Variants in PPP2R5B observed in about 807,000 individuals in gnomAD.
The protein encoded by PPP2R5B is protein phosphatase 2 regulatory subunit B'beta.
A neutral mutation model predicts 59.9 loss-of-function variants in PPP2R5B; 19 were observed. The observed-to-expected ratio is 0.32, with a 90% CI of 0.22 to 0.47. The LOEUF (loss-of-function observed/expected upper bound fraction) is 0.47. Ranked by LOEUF, PPP2R5B falls within the 20% of genes least tolerant of loss-of-function variation. The probability of loss-of-function intolerance (pLI) is 1.00; values close to 1 mark genes in which losing one functional copy is unlikely to be tolerated. For missense variants in PPP2R5B, 441 were observed against 640.2 expected (o/e 0.69, Z 3.36); for synonymous variants, 286 against 260.5 (o/e 1.10, Z -0.94).
chr11:64,933,301 C>T lies in PPP2R5B; in HGVS notation c.1346+55C>T, dbSNP rs566277135. ...GGGAGAAGAGCAGGGAGGAGTCAGACCCCCATGGCTGGAGGGAACCCGAGG... is the reference window on the plus strand; with the variant it reads ...GGGAGAAGAGCAGGGAGGAGTCAGATCCCCATGGCTGGAGGGAACCCGAGG... On this transcript the variant is annotated intron_variant, in intron 13 of 13. Coordinates refer to ENST00000164133, the MANE Select transcript of PPP2R5B (RefSeq NM_006244.4). The T allele has an allele frequency of 1.7e-5, 24 of 1,453,814 alleles. No homozygotes were observed. In the Admixed American group the frequency reaches 2.9e-4, roughly 18 times the overall value. The allele number at this position is 1,453,814 out of a possible 1,614,324, so 90.1% of individuals were successfully genotyped here. A position where few individuals can be genotyped will look rare whatever the true frequency, so the allele number is the denominator to read the frequency against.
At chr11:64,921,784 A>AAACTTCATCTATAAATACATGG (rs930189004), upstream of PPP2R5B, among the ~76,000 whole-genome samples, 1 of 152,246 alleles carries the variant, frequency 6.6e-6, no homozygotes, top group Non-Finnish European at 1.5e-5. Context: ...CTGAAAAAGC[A>AAACTTCATCTATAAATACATGG]AACTTCATCT....
chr11:64,923,401 G>A (rs1945127420), upstream of PPP2R5B, among the ~76,000 whole-genome samples: 1 of 152,350 alleles, frequency 6.6e-6, no homozygotes, highest in Middle Eastern at 3.4e-3. Flanking sequence ...GGTGGGCAAG[G>A]AGGGAGATCA....
Position 64,927,924 on chromosome 11 carries a change from C to A in PPP2R5B, c.498+21C>A, listed in dbSNP as rs372825084. 1.6e-5 allele frequency: 26 copies of A among 1,581,768 alleles called. No homozygotes were observed. In the African/African-American group the frequency reaches 3.4e-4, roughly 20 times the overall value. ...TGCAGGTCTGAAGGGTTGGGGAAGA[C>A]AGAGATCCAAGTTTCAGAAGAGATC... On this transcript the variant is annotated intron_variant, in intron 4 of 13. Transcript: ENST00000164133.
At chr11:64,920,634 T>TTA (rs1355337024), upstream of PPP2R5B, among the ~76,000 whole-genome samples, 18 of 1,352 alleles carry the variant, frequency 0.013, no homozygotes, top group South Asian at 0.33. Context: ...CCAGCAGTTA[T>TTA]TTTTTTTTTT....
At chr11:64,923,448 G>A (rs150621087), upstream of PPP2R5B, among the ~76,000 whole-genome samples, 4 of 152,218 alleles carry the variant, frequency 2.6e-5, no homozygotes, top group East Asian at 1.9e-4. Context: ...ACCAAGGGCC[G>A]GATGGGCAAG....
Position 64,925,700 on chromosome 11 carries a change from G to T in PPP2R5B, c.-35G>T. ...CCTCCCAGGCCCAGAGAGAACCCCC[G>T]GGGCTCTGAAAGCTTGCCCTGCCGC... On this transcript the variant is annotated 5_prime_UTR_variant, in exon 2 of 14. Transcript: ENST00000164133. This position sits in a 1 kb window ranked among gnomAD's most constrained non-coding sequence, Gnocchi z 4.6. 7.8e-7 allele frequency: 1 copy of T among 1,279,264 alleles called. No homozygotes were observed. The highest frequency in any genetic ancestry group is 1.1e-6 in the Non-Finnish European group (1 of 935,186). The allele number at this position is 1,279,264 out of a possible 1,614,324, so 79.2% of individuals were successfully genotyped here. A position where few individuals can be genotyped will look rare whatever the true frequency, so the allele number is the denominator to read the frequency against.
chr11:64,924,144 G>A (rs1390252403), upstream of PPP2R5B: 2 of 152,260 alleles, frequency 1.3e-5, no homozygotes, highest in Admixed American at 1.3e-4. Flanking sequence ...AGCAAGGGAC[G>A]GGAGGGGGAC....
chr11:64,927,192 G>A (rs1289451896), intron 3 of PPP2R5B, among the ~76,000 whole-genome samples: 3 of 152,164 alleles, frequency 2.0e-5, no homozygotes, highest in South Asian at 2.1e-4. Context: ...CCAAGAAGCC[G>A]CTGTCAATAA....
chr11:64,927,784 C>G lies in PPP2R5B; in HGVS notation c.397-18C>G, dbSNP rs1442567619. On this transcript the variant is annotated intron_variant, in intron 3 of 13. Coordinates refer to ENST00000164133, the MANE Select transcript of PPP2R5B (RefSeq NM_006244.4). ...CTTCAAGGGCTTTTCCTTAATGAACCCCAACTCTGCCACTCAGATCTCAGT... is the reference window on the plus strand; with the variant it reads ...CTTCAAGGGCTTTTCCTTAATGAACGCCAACTCTGCCACTCAGATCTCAGT... 1.9e-6 allele frequency: 3 copies of G among 1,558,354 alleles called. No individual in the cohort carries two copies. Among genetic ancestry groups the G allele is most frequent in the Non-Finnish European group, 2.7e-6 (3 of 1,129,674 alleles).
At chr11:64,918,708 C>A (rs1277781184) in intron 1 of PPP2R5B, among the ~76,000 whole-genome samples, 1 of 152,128 alleles carries the variant, frequency 6.6e-6, no homozygotes, top group African/African-American at 2.4e-5. Flanking sequence ...GGTGCAGTCT[C>A]CTCTCACGCA....
At chr11:64,928,776 C>A (rs533776851) in intron 6 of PPP2R5B, among the ~76,000 whole-genome samples, 227 of 152,166 alleles carry the variant, frequency 1.5e-3, no homozygotes, top group African/African-American at 5.1e-3. Context: ...CCCAGCTACT[C>A]GGGAGGCTGA....
At chr11:64,922,165 T>G (rs1945114875), upstream of PPP2R5B, among the ~76,000 whole-genome samples, 1 of 149,954 alleles carries the variant, frequency 6.7e-6, no homozygotes, top group Non-Finnish European at 1.5e-5. Flanking sequence ...TGAGCCAGGA[T>G]CGCGCCACTG....
chr11:64,929,351 G>A (rs974133030), intron 6 of PPP2R5B, among the ~76,000 whole-genome samples: 8 of 152,202 alleles, frequency 5.3e-5, no homozygotes, highest in African/African-American at 1.7e-4. Flanking sequence ...AAGCTGTATG[G>A]CCTACATTTG....
At chr11:64,927,730 C>A in intron 3 of PPP2R5B, 72 bp from the exon 4 acceptor site, 4 of 1,090,514 alleles carry the variant, frequency 3.7e-6, no homozygotes, top group Non-Finnish European at 5.4e-6. Context: ...AAAAAAAAAG[C>A]TTTGAATGAG....
Position 64,928,372 on chromosome 11 carries a change from G to A in PPP2R5B, c.669G>A (p.Lys223=), listed in dbSNP as rs965752326. 3 of 1,614,236 alleles carry A rather than the reference G, an allele frequency of 1.9e-6. No homozygotes were observed. The highest frequency in any genetic ancestry group is 1.7e-6 in the Non-Finnish European group (2 of 1,180,040). The stretch of plus-strand genomic sequence containing the variant: ...CCATCCTGCACCGGGTCTATGGCAA[G>A]TTCCTGGGTCTCCGGGCCTACATCC... ...LKTILHRVYG[K]FLGLRAYIRK... is the part of the protein sequence containing the mutation. The change falls in exon 6 of 14, where the codon AAG becomes AAA. Residue 223 remains lysine, a synonymous_variant. Transcript: ENST00000164133.
chr11:64,929,881 A>G (rs1945209566), intron 6 of PPP2R5B, among the ~76,000 whole-genome samples: 1 of 152,204 alleles, frequency 6.6e-6, no homozygotes, highest in East Asian at 1.9e-4. Context: ...TGGGTGAGCC[A>G]TGATCCCTGT....
Position 64,933,826 on chromosome 11 carries a change from C to G in PPP2R5B, c.1476C>G (p.Ala492=). 1 of 1,547,266 alleles carries G rather than the reference C, an allele frequency of 6.5e-7. No individual in the cohort carries two copies. Among genetic ancestry groups the G allele is most frequent in the Non-Finnish European group, 8.7e-7 (1 of 1,145,916 alleles). Residue 492 remains alanine (A), a synonymous_variant, in exon 14 of 14, where the codon GCC becomes GCG. Transcript: ENST00000164133. ...PLQRLTPQVA[A]SGGQS is the part of the protein sequence containing the mutation. Reference sequence around the variant, plus strand: ...AGCGGCTTACACCCCAGGTGGCCGCCAGTGGGGGTCAGAGCTAGACAGCAC... The same window carrying G: ...AGCGGCTTACACCCCAGGTGGCCGCGAGTGGGGGTCAGAGCTAGACAGCAC...
upstream of PPP2R5B, among the ~76,000 whole-genome samples, chr11:64,922,188 A>AT (rs1491189108): frequency 1.1e-5 from 1 of 94,016 alleles, no homozygotes; most frequent in African/African-American, 3.3e-5. Context: ...AAAAAAAAAT[A>AT]AAAAAATAAA....
chr11:64,933,598 C>T (rs923397076), intron 13 of PPP2R5B, 99 bp from the exon 14 acceptor site: 2 of 1,409,234 alleles, frequency 1.4e-6, no homozygotes, highest in African/African-American at 2.9e-5. Flanking sequence ...CCATGCCTTC[C>T]CTTTGCCGGT....
Sources: gnomAD v4.1 joint callset for allele counts (sites outside exome capture counted in the v4.1 genomes callset) on GRCh38, gnomAD v4.1.1 for gene constraint, Gnocchi (gnomAD v3.1) non-coding constraint, MANE v1.5 for transcripts, NCBI Gene and HGNC (gene_info 2026-07-23, HGNC 2026-07-21) for gene names.